ARHGEF17: variants seen among roughly 807,000 people sequenced by gnomAD.
ARHGEF17 encodes Rho guanine nucleotide exchange factor 17, also known as 164 kDa Rho-specific guanine-nucleotide exchange factor.
Under a neutral mutation model 174.0 loss-of-function variants are expected in ARHGEF17, and 80 were observed. The observed-to-expected ratio is 0.46, with a 90% CI of 0.38 to 0.55. The LOEUF (loss-of-function observed/expected upper bound fraction) is 0.55. Among genes scored for constraint, ARHGEF17 ranks in the 20% least tolerant of loss-of-function variants. The pLI is 0.00. For synonymous variants in ARHGEF17, 1,311 were observed against 1,189.1 expected, an observed-to-expected ratio of 1.10 and a Z score of -2.11; for missense variants, 2,886 against 2,839.7, an observed-to-expected ratio of 1.02 and a Z score of -0.37.
intron 1 of ARHGEF17, among the ~76,000 whole-genome samples, chr11:73,336,771 G>A (rs1230332151): frequency 6.6e-6 from 1 of 152,240 alleles, no homozygotes; most frequent in Non-Finnish European, 1.5e-5. Flanking sequence ...CTCACTGAGA[G>A]TCATGCAGTG....
At chr11:73,367,451 GA>G (rs1865858842) in intron 20 of ARHGEF17, 132 bp from the exon 21 acceptor site, 1 of 704,656 alleles carries the variant, frequency 1.4e-6, no homozygotes, top group Admixed American at 2.9e-5. Context: ...CTAGCTAACA[GA>G]AAGTGGGATT....
At chr11:73,334,353 A>G (rs1430748320) in intron 1 of ARHGEF17, among the ~76,000 whole-genome samples, 1 of 152,188 alleles carries the variant, frequency 6.6e-6, no homozygotes, top group African/African-American at 2.4e-5. Flanking sequence ...CAGCCCAGGC[A>G]GAGGAGCAGT....
intron 3 of ARHGEF17, among the ~76,000 whole-genome samples, chr11:73,353,958 T>C (rs557492931): frequency 6.6e-6 from 1 of 152,346 alleles, no homozygotes; most frequent in East Asian, 1.9e-4. Flanking sequence ...TGATGACTGA[T>C]AAATCATAGC....
Position 73,309,281 on chromosome 11 carries a change from C to G in ARHGEF17, c.643C>G (p.His215Asp), listed in dbSNP as rs761105999. The G allele has an allele frequency of 1.3e-5, 21 of 1,612,046 alleles. No homozygotes were observed. Among genetic ancestry groups the G allele is most frequent in the Non-Finnish European group, 1.7e-5 (20 of 1,179,628 alleles). ...GGCGCAGCGTCCAGCGGATGGTTTA[C>G]ATTCTTGGCATATCTTCTCCCAACC... Reference protein sequence around the residue: ...ERAQRPADGLHSWHIFSQPQA... With the variant: ...ERAQRPADGLDSWHIFSQPQA... Residue 215 changes from histidine (H) to aspartate (D), a missense_variant, in exon 1 of 21, where the codon CAT becomes GAT. His to Asp is a moderately conservative substitution (Grantham distance 81, BLOSUM62 -1). Around this residue, in one of 4 missense-constraint regions of ARHGEF17, gnomAD observed 1,728 missense variants for 1,461.2 expected, o/e 1.18. Coordinates refer to ENST00000263674, the MANE Select transcript of ARHGEF17 (RefSeq NM_014786.4).
chr11:73,340,220 C>T (rs1283959844), intron 1 of ARHGEF17, among the ~76,000 whole-genome samples: 1 of 152,178 alleles, frequency 6.6e-6, no homozygotes, highest in Non-Finnish European at 1.5e-5. Flanking sequence ...AACCACCAGC[C>T]CCACTCCATT....
intron 1 of ARHGEF17, among the ~76,000 whole-genome samples, chr11:73,326,784 A>AT (rs1172281062): frequency 6.6e-6 from 1 of 152,244 alleles, no homozygotes; most frequent in Non-Finnish European, 1.5e-5. Flanking sequence ...TTCTAGAGGA[A>AT]TCTTGACACA....
chr11:73,366,369 A>G (rs1322372371), intron 20 of ARHGEF17, among the ~76,000 whole-genome samples: 2 of 152,238 alleles, frequency 1.3e-5, no homozygotes, highest in Admixed American at 1.3e-4. Context: ...AGCAGGAAAT[A>G]GAAATAGCAA....
chr11:73,361,228 G>C (rs1281807416), intron 12 of ARHGEF17, 67 bp downstream of exon 12: 3 of 1,450,758 alleles, frequency 2.1e-6, no homozygotes, highest in Non-Finnish European at 2.9e-6. Flanking sequence ...GAATTTTTGT[G>C]TACGACATTG....
intron 1 of ARHGEF17, among the ~76,000 whole-genome samples, chr11:73,323,279 C>T (rs914972120): frequency 1.4e-4 from 21 of 152,182 alleles, no homozygotes; most frequent in African/African-American, 4.8e-4. Context: ...TAAGACAAGT[C>T]CCTCTGCCTT....
chr11:73,367,834 C>A lies in ARHGEF17; in HGVS notation c.*54C>A. The A allele has an allele frequency of 6.5e-7, 1 of 1,549,098 alleles. No homozygotes were observed. Among genetic ancestry groups the A allele is most frequent in the Non-Finnish European group, 8.8e-7 (1 of 1,137,804 alleles). On this transcript the variant is annotated 3_prime_UTR_variant, in exon 21 of 21. Transcript: ENST00000263674. ...CGCCCACCTGCCTTCAGCCTGCTTG[C>A]CTCTCCCTAGCCCACACGCAGACTT...
intron 13 of ARHGEF17, 92 bp downstream of exon 13, chr11:73,362,331 T>TGGGCG: frequency 7.6e-6 from 11 of 1,445,584 alleles, no homozygotes; most frequent in Non-Finnish European, 1.0e-5. Flanking sequence ...GGCGTGGTTG[T>TGGGCG]GGGCGGGGCC....
At chr11:73,343,672 C>T (rs192460685) in intron 1 of ARHGEF17, among the ~76,000 whole-genome samples, 2 of 152,238 alleles carry the variant, frequency 1.3e-5, no homozygotes, top group Admixed American at 1.3e-4. Flanking sequence ...TGCCGCTGGG[C>T]CTGCTGGCCC....
chr11:73,360,353 G>A lies in ARHGEF17; in HGVS notation c.4240G>A (p.Ala1414Thr). Residue 1414 changes from alanine to threonine, a missense_variant, in exon 11 of 21, where the codon GCC becomes ACC. Coordinates refer to ENST00000263674, the MANE Select transcript of ARHGEF17 (RefSeq NM_014786.4). ...CGATGCACTGCGGGACCTCTCAGCT[G>A]CCATGCACCGGGACCTGTCGGAGAA... is the stretch of plus-strand genomic sequence containing the variant. ...LDDALRDLSA[A>T]MHRDLSEKQA... 6.2e-7 allele frequency: 1 copy of A among 1,613,860 alleles called. No homozygotes were observed. Among genetic ancestry groups the A allele is most frequent in the Non-Finnish European group, 8.5e-7 (1 of 1,180,054 alleles).
chr11:73,367,542 C>G (rs1201925304), intron 20 of ARHGEF17, 42 bp from the exon 21 acceptor site: 3 of 1,545,114 alleles, frequency 1.9e-6, no homozygotes, highest in Non-Finnish European at 2.7e-6. Context: ...AGTGAAGCCT[C>G]CATTCGCCCC....
chr11:73,322,332 C>T (rs777415252), intron 1 of ARHGEF17, among the ~76,000 whole-genome samples: 1 of 152,194 alleles, frequency 6.6e-6, no homozygotes, highest in Non-Finnish European at 1.5e-5. Context: ...GGGCCAGGGC[C>T]TTTAATGCCA....
Position 73,310,686 on chromosome 11 carries a change from C to G in ARHGEF17, c.2048C>G (p.Pro683Arg). Residue 683 changes from proline to arginine, a missense_variant, in exon 1 of 21, where the codon CCT (proline) becomes CGT (arginine). Physicochemically the swap from Pro to Arg is moderately radical, Grantham distance 103 (BLOSUM62 -2). Around this residue, in one of 4 missense-constraint regions of ARHGEF17, gnomAD observed 1,728 missense variants for 1,461.2 expected, o/e 1.18. Transcript: ENST00000263674. ...TCGGCCCAGACGAACCACCATGGCC[C>G]TGGGACTGAGGACAGTCTGGGCGGG... ...SSSAQTNHHG[P>R]GTEDSLGGWA... The G allele has an allele frequency of 6.2e-7, 1 of 1,613,846 alleles. No individual in the cohort carries two copies. Among genetic ancestry groups the G allele is most frequent in the South Asian group, 1.1e-5 (1 of 91,086 alleles).
intron 4 of ARHGEF17, 42 bp from the exon 5 acceptor site, chr11:73,355,819 T>G: frequency 6.2e-7 from 1 of 1,609,930 alleles, no homozygotes; most frequent in South Asian, 1.1e-5. Context: ...ATAGTCTTCC[T>G]GGCATGTCAT....
chr11:73,362,390 T>A, intron 13 of ARHGEF17, 43 bp from the exon 14 acceptor site: 1 of 1,488,128 alleles, frequency 6.7e-7, no homozygotes, highest in Non-Finnish European at 8.9e-7. Context: ...CGGGGCCCCG[T>A]CTGGCTCGTA....
intron 1 of ARHGEF17, among the ~76,000 whole-genome samples, chr11:73,345,057 G>A (rs146245241): frequency 1.6e-3 from 240 of 152,282 alleles, no homozygotes; most frequent in African/African-American, 5.6e-3. Flanking sequence ...CCTGGCGTGG[G>A]GTAGGGCAGG....
Sources: gnomAD v4.1 joint callset for allele counts (sites outside exome capture counted in the v4.1 genomes callset) on GRCh38, gnomAD v4.1.1 for gene constraint, gnomAD v4.1.1 regional missense constraint, MANE v1.5 for transcripts, NCBI Gene and HGNC (gene_info 2026-07-23, HGNC 2026-07-21) for gene names.